PGLS: variants seen among roughly 807,000 people sequenced by gnomAD.
PGLS encodes epididymis secretory protein Li 304.
PGLS carries 21 observed loss-of-function variants against 23.2 expected under a neutral mutation model. That is an observed-to-expected ratio of 0.91 (90% CI 0.64 to 1.31). The LOEUF is 1.31. Among genes scored for constraint, PGLS ranks in the 50% most tolerant of loss-of-function variants. The pLI is 0.00. For synonymous variants in PGLS, 179 were observed against 165.4 expected (o/e 1.08, Z -0.63); for missense variants, 410 against 354.0 (o/e 1.16, Z -1.27).
intron 4 of PGLS, among the ~76,000 whole-genome samples, chr19:17,520,065 A>G (rs1353662708): frequency 6.6e-6 from 1 of 152,152 alleles, no homozygotes; most frequent in Non-Finnish European, 1.5e-5. Flanking sequence ...AGGCAAGAGG[A>G]TCACTTGAGC....
intron 2 of PGLS, 179 bp downstream of exon 2, chr19:17,516,459 G>A (rs765047305): frequency 2.2e-4 from 304 of 1,403,504 alleles, no homozygotes; most frequent in Non-Finnish European, 2.6e-4. Flanking sequence ...AAGGCCACTC[G>A]GCCTCTGTTG....
rs569741084 is a variant in PGLS at position 17,519,793 on chromosome 19, A to G, written c.640-1151A>G. Among the ~76,000 whole-genome samples the G allele has an allele frequency of 1.3e-3, 193 of 152,292 alleles. 1 individual carries two copies. Among genetic ancestry groups the G allele is most frequent in the African/African-American group, 4.0e-3 (168 of 41,578 alleles). ...AGAACTGCAGAGCTGAGTGGTTGCA[A>G]TAGAGACTGGATGGTCTGCAGAGCT... is the stretch of plus-strand genomic sequence containing the variant. On this transcript the variant is annotated intron_variant, in intron 4 of 4. Coordinates refer to ENST00000252603, the MANE Select transcript of PGLS (RefSeq NM_012088.3).
intron 4 of PGLS, among the ~76,000 whole-genome samples, chr19:17,520,722 C>T (rs77739797): frequency 0.037 from 5,588 of 152,172 alleles, 145 homozygotes; most frequent in Non-Finnish European, 0.056. Flanking sequence ...CAGAGTGAGA[C>T]TCCATCTCAA....
Position 17,511,669 on chromosome 19 carries a change from C to T in PGLS, c.-4C>T, listed in dbSNP as rs753771674. Reference sequence around the variant, plus strand: ...GCTTCCTCCTCCCCGCCGCCGCCCTCGCCATGGCCGCGCCGGCCCCGGGCC... The same window carrying T: ...GCTTCCTCCTCCCCGCCGCCGCCCTTGCCATGGCCGCGCCGGCCCCGGGCC... On this transcript the variant is annotated 5_prime_UTR_variant, in exon 1 of 5. Transcript: ENST00000252603. The T allele has an allele frequency of 1.8e-5, 26 of 1,482,954 alleles. No homozygotes were observed. Among genetic ancestry groups the T allele is most frequent in the African/African-American group, 3.0e-5 (2 of 67,500 alleles). 91.9% of individuals were successfully genotyped at this position (1,482,954 alleles called of 1,614,324 possible).
At chr19:17,512,061 C>A in intron 1 of PGLS, 101 bp downstream of exon 1, 3 of 1,245,050 alleles carry the variant, frequency 2.4e-6, no homozygotes, top group Non-Finnish European at 3.2e-6. Flanking sequence ...GAAAGGGCCG[C>A]GCCCACTGTC....
In PGLS at chr19:17,511,852, C is replaced by A; in HGVS notation, c.180C>A (p.Ala60=). The A allele has an allele frequency of 6.5e-7, 1 of 1,531,744 alleles. No homozygotes were observed. Among genetic ancestry groups the A allele is most frequent in the Non-Finnish European group, 8.8e-7 (1 of 1,142,296 alleles). The allele number at this position is 1,531,744 out of a possible 1,614,324, so 94.9% of individuals were successfully genotyped here. A position where few individuals can be genotyped will look rare whatever the true frequency, so the allele number is the denominator to read the frequency against. The change falls in exon 1 of 5, where the codon GCC becomes GCA. Residue 60 remains alanine (A), a synonymous_variant. Transcript: ENST00000252603. Reference sequence around the variant, plus strand: ...CGATGCTAGCCCGCGAGCTACCCGCCGCCGTCGCCCCTGCCGGGCCAGCTA... The same window carrying A: ...CGATGCTAGCCCGCGAGCTACCCGCAGCCGTCGCCCCTGCCGGGCCAGCTA... The part of the protein sequence containing the change: ...LVSMLARELP[A]AVAPAGPASL...
At position 17,511,843 on chromosome 19, in the gene PGLS, G is replaced by C. The variant is rs775910280; in HGVS notation, c.171G>C (p.Glu57Asp). 2.0e-6 allele frequency: 3 copies of C among 1,529,584 alleles called. No homozygotes were observed. Among genetic ancestry groups the C allele is most frequent in the African/African-American group, 2.8e-5 (2 of 70,528 alleles). The allele number at this position is 1,529,584 out of a possible 1,614,324, so 94.8% of individuals were successfully genotyped here. Residue 57 changes from glutamate to aspartate, a missense_variant, in exon 1 of 5, where the codon GAG becomes GAC. Transcript: ENST00000252603. ...GGSLVSMLAR[E>D]LPAAVAPAGP... Reference sequence around the variant, plus strand: ...GCCTCGTCTCGATGCTAGCCCGCGAGCTACCCGCCGCCGTCGCCCCTGCCG... The same window carrying C: ...GCCTCGTCTCGATGCTAGCCCGCGACCTACCCGCCGCCGTCGCCCCTGCCG...
At position 17,518,168 on chromosome 19, in the gene PGLS, A is replaced by G. The variant is rs540209378; in HGVS notation, c.639+318A>G. Among the ~76,000 whole-genome samples, 43 of 152,312 alleles carry G rather than the reference A, an allele frequency of 2.8e-4. No homozygotes were observed. The South Asian group carries it at 8.9e-3, about 32-fold the overall frequency. On this transcript the variant is annotated intron_variant, in intron 4 of 4. Transcript: ENST00000252603. Reference sequence around the variant, plus strand: ...AAAATTATTAAGTAGCAAACTATTGAAATAAATCAAGTGCTTTCCTGTAGA... The same window carrying G: ...AAAATTATTAAGTAGCAAACTATTGGAATAAATCAAGTGCTTTCCTGTAGA...
At chr19:17,516,314 A>G (rs2075532273) in intron 2 of PGLS, 34 bp downstream of exon 2, 3 of 1,595,646 alleles carry the variant, frequency 1.9e-6, no homozygotes, top group Non-Finnish European at 2.6e-6. Context: ...AGGGAGTCAC[A>G]TCCACGAAGC....
Position 17,521,047 on chromosome 19 carries a change from T to C in PGLS, c.743T>C (p.Leu248Pro). ...WFLDEAAARLLTVPFEKHSTL is the reference protein window; with the variant it reads ...WFLDEAAARLPTVPFEKHSTL ...TTGGACGAGGCGGCCGCCCGCCTCCTGACCGTGCCCTTCGAGAAGCATTCC... is the reference window on the plus strand; with the variant it reads ...TTGGACGAGGCGGCCGCCCGCCTCCCGACCGTGCCCTTCGAGAAGCATTCC... Residue 248 changes from leucine (L) to proline (P), a missense_variant, in exon 5 of 5, where the codon CTG becomes CCG. Physicochemically the swap from Leu to Pro is moderately conservative, Grantham distance 98. Transcript: ENST00000252603. 1 of 1,603,308 alleles carries C rather than the reference T, an allele frequency of 6.2e-7. No individual in the cohort carries two copies. Among genetic ancestry groups the C allele is most frequent in the Non-Finnish European group, 8.5e-7 (1 of 1,174,244 alleles).
rs1489718662 is a variant in PGLS at position 17,516,416 on chromosome 19, C to T, written c.396+136C>T. 2.8e-6 allele frequency: 4 copies of T among 1,437,360 alleles called. No individual in the cohort carries two copies. The East Asian group carries it at 7.8e-5, about 28-fold the overall frequency. 89.0% of individuals were successfully genotyped at this position (1,437,360 alleles called of 1,614,324 possible). Reference sequence around the variant, plus strand: ...GGCAGATCCCTTTGAGGAATCCCCTCTTCGAGGCCACAGCCCTGCCCTGGG... The same window carrying T: ...GGCAGATCCCTTTGAGGAATCCCCTTTTCGAGGCCACAGCCCTGCCCTGGG... On this transcript the variant is annotated intron_variant, in intron 2 of 4. Transcript: ENST00000252603.
chr19:17,516,319 C>G (rs376780378), intron 2 of PGLS, 39 bp downstream of exon 2: 3 of 1,587,476 alleles, frequency 1.9e-6, no homozygotes, highest in South Asian at 2.3e-5. Context: ...GTCACATCCA[C>G]GAAGCGGCCA....
chr19:17,516,430 C>T, intron 2 of PGLS, 150 bp downstream of exon 2: 1 of 1,425,536 alleles, frequency 7.0e-7, no homozygotes, highest in East Asian at 2.6e-5. Flanking sequence ...GAGGCCACAG[C>T]CCTGCCCTGG....
chr19:17,512,307 C>T, intron 1 of PGLS: 1 of 350,210 alleles, frequency 2.9e-6, no homozygotes, highest in South Asian at 3.4e-5. Context: ...CTGAACCCCG[C>T]CTACAGTGGG....
At chr19:17,519,259 G>A (rs1328932051) in intron 4 of PGLS, among the ~76,000 whole-genome samples, 28 of 150,424 alleles carry the variant, frequency 1.9e-4, no homozygotes, top group Non-Finnish European at 2.1e-4. Context: ...GGTTGCTGTG[G>A]GCCGAGATCA....
In PGLS at chr19:17,511,658, G is replaced by C; in HGVS notation, c.-15G>C. 6.8e-7 allele frequency: 1 copy of C among 1,465,848 alleles called. No individual in the cohort carries two copies. The highest frequency in any genetic ancestry group is 2.7e-5 in the Admixed American group (1 of 37,506). The allele number at this position is 1,465,848 out of a possible 1,614,324, so 90.8% of individuals were successfully genotyped here. On this transcript the variant is annotated 5_prime_UTR_variant, in exon 1 of 5. Coordinates refer to ENST00000252603, the MANE Select transcript of PGLS (RefSeq NM_012088.3). ...CCGTAGGGAGCGCTTCCTCCTCCCC[G>C]CCGCCGCCCTCGCCATGGCCGCGCC...
At chr19:17,514,473 C>CTTTCT (rs934991205) in intron 1 of PGLS, among the ~76,000 whole-genome samples, 2 of 151,336 alleles carry the variant, frequency 1.3e-5, no homozygotes, top group East Asian at 1.9e-4. Flanking sequence ...CCTTCCTATA[C>CTTTCT]TTTCTTTTCT....
chr19:17,516,866 G>A (rs532890883), intron 2 of PGLS, among the ~76,000 whole-genome samples: 5 of 149,170 alleles, frequency 3.4e-5, no homozygotes, highest in South Asian at 2.1e-4. Flanking sequence ...GATTATAGGC[G>A]TGAGCCACCA....
chr19:17,517,964 A>G, intron 4 of PGLS, 114 bp downstream of exon 4: 1 of 940,678 alleles, frequency 1.1e-6, no homozygotes, highest in South Asian at 2.3e-5. Flanking sequence ...AAACTCAGTC[A>G]TTCTTGGGTT....
Sources: gnomAD v4.1 joint callset for allele counts (sites outside exome capture counted in the v4.1 genomes callset) on GRCh38, gnomAD v4.1.1 for gene constraint, MANE v1.5 for transcripts, NCBI Gene and HGNC (gene_info 2026-07-23, HGNC 2026-07-21) for gene names.